The following GLCCI1 variants were observed in gnomAD, a reference collection of about 807,000 sequenced individuals.
GLCCI1 encodes the protein glucocorticoid induced 1.
GLCCI1 carries 24 observed loss-of-function variants against 52.2 expected under a neutral mutation model. The observed-to-expected ratio is 0.46, with a 90% confidence interval of 0.33 to 0.65. The LOEUF (loss-of-function observed/expected upper bound fraction) is 0.65. Ranked by LOEUF, GLCCI1 falls within the 30% of genes least tolerant of loss-of-function variation. The probability of loss-of-function intolerance (pLI) is 0.02; values close to 1 mark genes in which losing one functional copy is unlikely to be tolerated. For synonymous variants in GLCCI1, 310 were observed against 276.5 expected (o/e 1.12, Z -1.20); for missense variants, 704 against 701.5 (o/e 1.00, Z -0.04).
intron 1 of GLCCI1, among the ~76,000 whole-genome samples, chr7:7,974,348 A>C (rs1309778469): frequency 1.3e-5 from 2 of 152,224 alleles, no homozygotes; most frequent in Non-Finnish European, 2.9e-5. Context: ...TTGAATACCT[A>C]GCATGTGTAA....
chr7:8,075,265 G>A (rs1176234682), intron 6 of GLCCI1, among the ~76,000 whole-genome samples: 6 of 152,180 alleles, frequency 3.9e-5, no homozygotes, highest in South Asian at 4.2e-4. Flanking sequence ...GGTTTTTGGC[G>A]TTTCGTTTTG....
At chr7:8,037,303 G>A (rs896130314) in intron 3 of GLCCI1, among the ~76,000 whole-genome samples, 4 of 152,126 alleles carry the variant, frequency 2.6e-5, no homozygotes, top group African/African-American at 4.8e-5. Context: ...AACTCAGCTC[G>A]GTAAGTGAAG....
At chr7:8,065,389 C>G (rs7800354) in intron 5 of GLCCI1, among the ~76,000 whole-genome samples, 21,280 of 152,108 alleles carry the variant, frequency 0.14, 1,596 homozygotes, top group Admixed American at 0.19. Context: ...TTGTGGCTGT[C>G]TTTTATTTCT....
intron 2 of GLCCI1, 86 bp downstream of exon 2, chr7:8,004,145 TCCCC>T: frequency 8.1e-7 from 1 of 1,234,588 alleles, no homozygotes; most frequent in Non-Finnish European, 1.1e-6. Context: ...TAATCAAATT[TCCCC>T]AAATTTGAAA....
intron 3 of GLCCI1, among the ~76,000 whole-genome samples, chr7:8,043,461 A>C (rs1053969914): frequency 6.6e-6 from 1 of 152,258 alleles, no homozygotes; most frequent in Admixed American, 6.5e-5. Flanking sequence ...CTTGCTAAGT[A>C]AAGTCAGATG....
intron 6 of GLCCI1, among the ~76,000 whole-genome samples, chr7:8,075,768 A>G (rs908958859): frequency 6.6e-6 from 1 of 152,238 alleles, no homozygotes; most frequent in Admixed American, 6.5e-5. Context: ...CAGGCCAACT[A>G]CTGAGTAGAG....
At chr7:8,063,199 G>A (rs149517716) in intron 5 of GLCCI1, among the ~76,000 whole-genome samples, 2 of 152,000 alleles carry the variant, frequency 1.3e-5, no homozygotes, top group African/African-American at 2.4e-5. Flanking sequence ...GTGCAATGGC[G>A]TGATCTTGGC....
chr7:8,055,460 C>G lies in GLCCI1; in HGVS notation c.724C>G (p.Gln242Glu), dbSNP rs1782365068. ...GATCGCCAAACTGAGGCAGCAACTA[C>G]AACGCAGTAAACAGAGTAGTCGTCA... ...EQIAKLRQQL[Q>E]RSKQSSRHSK... Residue 242 changes from glutamine (Q) to glutamate (E), a missense_variant, in exon 4 of 8, where the codon CAA becomes GAA. Around this residue, in one of 3 missense-constraint regions of GLCCI1, gnomAD observed 547 missense variants for 524.8 expected, o/e 1.04. Transcript: ENST00000223145. The G allele has an allele frequency of 6.2e-7, 1 of 1,613,622 alleles. No homozygotes were observed. The highest frequency in any genetic ancestry group is 1.3e-5 in the African/African-American group (1 of 74,910).
At chr7:7,980,081 T>C (rs967789844) in intron 1 of GLCCI1, among the ~76,000 whole-genome samples, 7 of 152,116 alleles carry the variant, frequency 4.6e-5, no homozygotes, top group Admixed American at 2.6e-4. Flanking sequence ...CACACCTGGC[T>C]AATTTTTTGT....
intron 3 of GLCCI1, among the ~76,000 whole-genome samples, chr7:8,041,384 A>C (rs1396835957): frequency 6.6e-6 from 1 of 152,230 alleles, no homozygotes; most frequent in African/African-American, 2.4e-5. Context: ...GTGAAGAAGT[A>C]CTAAGTGGTG....
chr7:7,991,464 A>G (rs568648537), intron 1 of GLCCI1, among the ~76,000 whole-genome samples: 3 of 152,218 alleles, frequency 2.0e-5, no homozygotes, highest in South Asian at 2.1e-4. Context: ...GCATACACCT[A>G]TCTAAATACA....
rs150934138 is a variant in GLCCI1, at chr7:8,052,354, T to C, written c.697-3079T>C. Among the ~76,000 whole-genome samples, 676 of 152,356 alleles carry C rather than the reference T, an allele frequency of 4.4e-3. 1 individual carries two copies. Among genetic ancestry groups the C allele is most frequent in the African/African-American group, 0.016 (654 of 41,574 alleles). ...AATACAAATTATTACAGTTTATGGA[T>C]TGAATTTTCTTTTTTCAAAAGGTTG... is the stretch of plus-strand genomic sequence containing the variant. On this transcript the variant is annotated intron_variant, in intron 3 of 7. Transcript: ENST00000223145.
At position 7,996,767 on chromosome 7, in the gene GLCCI1, A is replaced by G. The variant is rs572942314; in HGVS notation, c.458-7141A>G. Among the ~76,000 whole-genome samples the G allele has an allele frequency of 2.6e-5, 4 of 152,110 alleles. No homozygotes were observed. The East Asian group carries it at 7.7e-4, about 29-fold the overall frequency. On this transcript the variant is annotated intron_variant, in intron 1 of 7. Transcript: ENST00000223145. ...GTTTGTTTCTCTTGTCAGCTTCTTG[A>G]TTGGTTTCTTTCCAGATTCTGCAGG...
chr7:8,055,996 A>AC (rs984277343), intron 4 of GLCCI1, among the ~76,000 whole-genome samples: 2 of 142,380 alleles, frequency 1.4e-5, no homozygotes, highest in Admixed American at 6.9e-5. Context: ...CCGTCTCAAA[A>AC]AAAAAAAAAA....
chr7:7,985,452 A>G lies in GLCCI1; in HGVS notation c.457+15645A>G, dbSNP rs571862301. Among the ~76,000 whole-genome samples the G allele has an allele frequency of 1.3e-3, 191 of 152,278 alleles. 1 individual carries two copies. The highest frequency in any genetic ancestry group is 0.01 in the Middle Eastern group (3 of 292). On this transcript the variant is annotated intron_variant, in intron 1 of 7. Transcript: ENST00000223145. The stretch of plus-strand genomic sequence containing the variant: ...AGGGATAGTGACTTAGGATTTGCTC[A>G]CTTCGTATAAGATAAAACCAATGAT...
intron 5 of GLCCI1, among the ~76,000 whole-genome samples, chr7:8,064,107 T>C (rs1335118071): frequency 6.6e-6 from 1 of 152,236 alleles, no homozygotes; most frequent in Non-Finnish European, 1.5e-5. Context: ...TTTAGTTTAA[T>C]TAGGTCCCAT....
intron 2 of GLCCI1, among the ~76,000 whole-genome samples, chr7:8,008,992 T>A (rs1781208507): frequency 6.6e-6 from 1 of 152,210 alleles, no homozygotes; most frequent in African/African-American, 2.4e-5. Flanking sequence ...TGACCCAGTC[T>A]TAAGCTTTCT....
intron 6 of GLCCI1, among the ~76,000 whole-genome samples, chr7:8,083,762 T>C (rs990852413): frequency 1.3e-5 from 2 of 152,194 alleles, no homozygotes; most frequent in Admixed American, 1.3e-4. Flanking sequence ...TGTTCAAATA[T>C]AAGCATAAAT....
chr7:8,026,283 A>G (rs923492648), intron 3 of GLCCI1, among the ~76,000 whole-genome samples: 1 of 152,230 alleles, frequency 6.6e-6, no homozygotes, highest in Non-Finnish European at 1.5e-5. Flanking sequence ...AAAAAAAACA[A>G]ACACCAGAGG....
Sources: gnomAD v4.1 joint callset for allele counts (sites outside exome capture counted in the v4.1 genomes callset) on GRCh38, gnomAD v4.1.1 for gene constraint, gnomAD v4.1.1 regional missense constraint, MANE v1.5 for transcripts, NCBI Gene and HGNC (gene_info 2026-07-23, HGNC 2026-07-21) for gene names.